Variants in RFC3 observed in about 807,000 individuals in gnomAD.
RFC3 encodes replication factor C subunit 3.
A neutral mutation model predicts 45.1 loss-of-function variants in RFC3; 41 were observed. That is an observed-to-expected ratio of 0.91 (90% CI 0.71 to 1.18). The LOEUF is 1.18. RFC3 is among the 50% of genes most tolerant of loss of function. The pLI is 0.00. For missense variants in RFC3, 423 were observed against 428.1 expected (o/e 0.99, Z 0.10); for synonymous variants, 149 against 144.0 (o/e 1.03, Z -0.25).
chr13:33,925,305 T>C (rs867878295), intron 8 of RFC3, among the ~76,000 whole-genome samples: 10 of 111,178 alleles, frequency 9.0e-5, no homozygotes, highest in African/African-American at 3.1e-4. Context: ...TACATACACA[T>C]ATAGTGTACT....
intron 8 of RFC3, among the ~76,000 whole-genome samples, chr13:33,873,038 A>C (rs1014859168): frequency 1.3e-5 from 2 of 152,224 alleles, no homozygotes; most frequent in African/African-American, 4.8e-5. Context: ...TTAGGAGACA[A>C]AATTGAGGGA....
chr13:33,937,054 A>G (rs1352579576), intron 8 of RFC3, among the ~76,000 whole-genome samples: 2 of 152,196 alleles, frequency 1.3e-5, no homozygotes, highest in African/African-American at 2.4e-5. Context: ...CATGGTGTAT[A>G]TGTATACTAA....
intron 2 of RFC3, among the ~76,000 whole-genome samples, chr13:33,821,536 A>G (rs957905314): frequency 4.6e-5 from 7 of 152,238 alleles, no homozygotes; most frequent in Non-Finnish European, 1.0e-4. Context: ...ACCTAATAAG[A>G]CAATGTCTTA....
chr13:33,854,398 TAAG>T (rs1052341360), intron 8 of RFC3, among the ~76,000 whole-genome samples: 18 of 152,290 alleles, frequency 1.2e-4, no homozygotes, highest in African/African-American at 4.3e-4. Flanking sequence ...ACTAAATTGT[TAAG>T]AAACTCAAGT....
downstream of RFC3, among the ~76,000 whole-genome samples, chr13:33,968,156 C>A (rs149834679): frequency 1.3e-5 from 2 of 152,188 alleles, no homozygotes; most frequent in African/African-American, 4.8e-5. Flanking sequence ...GAGATGGAGT[C>A]TGGCTCTGTC....
intron 8 of RFC3, among the ~76,000 whole-genome samples, chr13:33,861,243 C>A (rs9285100): frequency 0.77 from 116,889 of 152,108 alleles, 47,386 homozygotes; most frequent in Non-Finnish European, 0.92. Flanking sequence ...TGATGATAAA[C>A]TTTATTTTAA....
At position 33,837,068 on chromosome 13, in the gene RFC3, A is replaced by G. The variant is rs1241232787; in HGVS notation, c.*773A>G. 29 of 980,432 alleles carry G rather than the reference A, an allele frequency of 3.0e-5. No individual in the cohort carries two copies. Among genetic ancestry groups the G allele is most frequent in the Non-Finnish European group, 3.4e-5 (28 of 825,540 alleles). 60.7% of individuals were successfully genotyped at this position (980,432 alleles called of 1,614,324 possible). On this transcript the variant is annotated 3_prime_UTR_variant, in exon 9 of 9. Transcript: ENST00000380071. Reference sequence around the variant, plus strand: ...TTTACTTGACAAATTTGTGTGACAGACTCCGAACAATTCCTTTACTACGAA... The same window carrying G: ...TTTACTTGACAAATTTGTGTGACAGGCTCCGAACAATTCCTTTACTACGAA...
chr13:33,911,363 A>G (rs540853452), intron 8 of RFC3, among the ~76,000 whole-genome samples: 2 of 152,208 alleles, frequency 1.3e-5, no homozygotes, highest in South Asian at 2.1e-4. Context: ...GTCAGCAGCT[A>G]TGTCTCTCCA....
the RFC3 span, among the ~76,000 whole-genome samples, chr13:33,972,165 A>T: frequency 6.6e-6 from 1 of 152,240 alleles, no homozygotes; most frequent in African/African-American, 2.4e-5. Flanking sequence ...TTTTTGATGT[A>T]GCCAACTTTT....
rs545442014 is a variant in RFC3, at chr13:33,862,402, C to T, written c.879+27185C>T. ...TTGAAGAAAACGCTTAGAGATTTCC[C>T]GTGACTTGAATCAGCTTCAATGTCT... On this transcript the variant is annotated intron_variant, in intron 8 of 8. Transcript: ENST00000434425. Among the ~76,000 whole-genome samples, 235 of 152,204 alleles carry T rather than the reference C, an allele frequency of 1.5e-3. 2 individuals are homozygous for T. The highest frequency in any genetic ancestry group is 6.8e-3 in the Middle Eastern group (2 of 294).
At chr13:33,893,361 C>G (rs1395919583) in intron 8 of RFC3, among the ~76,000 whole-genome samples, 1 of 152,096 alleles carries the variant, frequency 6.6e-6, no homozygotes, top group Non-Finnish European at 1.5e-5. Context: ...CAACCTAGCA[C>G]TGAAGAATCT....
At chr13:33,888,914 T>G (rs1003105764) in intron 8 of RFC3, among the ~76,000 whole-genome samples, 1 of 151,964 alleles carries the variant, frequency 6.6e-6, no homozygotes, top group Admixed American at 6.6e-5. Context: ...CCTGGCTAAT[T>G]TTTGTATTTT....
chr13:33,851,611 G>A (rs546985628), intron 8 of RFC3, among the ~76,000 whole-genome samples: 27 of 152,074 alleles, frequency 1.8e-4, no homozygotes, highest in Non-Finnish European at 3.4e-4. Flanking sequence ...GAGGAGGAGG[G>A]GTTGGCTTTG....
At chr13:33,884,701 TC>T (rs1473582061) in intron 8 of RFC3, among the ~76,000 whole-genome samples, 1 of 152,170 alleles carries the variant, frequency 6.6e-6, no homozygotes, top group Admixed American at 6.5e-5. Flanking sequence ...AGAGTCCATC[TC>T]AGTTTTCAAA....
chr13:33,883,738 C>G (rs892262231), intron 8 of RFC3, among the ~76,000 whole-genome samples: 2 of 152,052 alleles, frequency 1.3e-5, no homozygotes, highest in Admixed American at 6.6e-5. Context: ...TTTAAAAAAG[C>G]TACATGGACA....
At chr13:33,829,710 A>G (rs934824541) in intron 4 of RFC3, 126 bp from the exon 5 acceptor site, 12 of 727,916 alleles carry the variant, frequency 1.6e-5, no homozygotes, top group Middle Eastern at 5.9e-4. Context: ...ATCTTTGCCA[A>G]TGGGAAGAGT....
intron 1 of RFC3, among the ~76,000 whole-genome samples, chr13:33,818,991 A>G (rs1379000149): frequency 4.0e-5 from 6 of 150,276 alleles, no homozygotes; most frequent in African/African-American, 1.5e-4. Context: ...CACGGGTTCA[A>G]GCGATTCTCC....
At chr13:33,894,908 A>C (rs1268637399) in intron 8 of RFC3, among the ~76,000 whole-genome samples, 1 of 152,180 alleles carries the variant, frequency 6.6e-6, no homozygotes, top group Non-Finnish European at 1.5e-5. Context: ...AATGGGGGAA[A>C]GGACACCTAT....
At chr13:33,892,059 G>C (rs1046240712) in intron 8 of RFC3, among the ~76,000 whole-genome samples, 3 of 152,120 alleles carry the variant, frequency 2.0e-5, no homozygotes, top group Non-Finnish European at 4.4e-5. Context: ...AATTTGGTCA[G>C]ATAACTATCC....
Sources: gnomAD v4.1 joint callset for allele counts (sites outside exome capture counted in the v4.1 genomes callset) on GRCh38, gnomAD v4.1.1 for gene constraint, MANE v1.5 for transcripts, NCBI Gene and HGNC (gene_info 2026-07-23, HGNC 2026-07-21) for gene names.